The following GRB2 variants were observed in gnomAD, a reference collection of about 807,000 sequenced individuals.
GRB2 encodes the protein growth factor receptor-bound protein 2.
In GRB2, 2 loss-of-function variants were observed where a neutral mutation model predicts 27.4. The ratio of observed to expected loss-of-function variants is 0.07; its 90% CI spans 0.03 to 0.23. GRB2 has a LOEUF of 0.23. Ranked by LOEUF, GRB2 falls within the 10% of genes least tolerant of loss-of-function variation. The pLI is 1.00. For synonymous variants in GRB2, 94 were observed against 99.6 expected (o/e 0.94, Z 0.33); for missense variants, 102 against 282.4 (o/e 0.36, Z 4.58).
chr17:75,401,432 A>G (rs892483583), intron 1 of GRB2, among the ~76,000 whole-genome samples: 1 of 136,230 alleles, frequency 7.3e-6, no homozygotes, highest in African/African-American at 2.7e-5. Flanking sequence ...GGCCTGGGCG[A>G]CAGAGCGAGA....
At chr17:75,332,588 A>G (rs1257225041) in intron 3 of GRB2, 112 bp downstream of exon 3, 3 of 670,866 alleles carry the variant, frequency 4.5e-6, no homozygotes, top group East Asian at 5.5e-5. Context: ...TTAATTCCCT[A>G]GAAACGTGAA....
intron 1 of GRB2, among the ~76,000 whole-genome samples, chr17:75,397,104 A>T (rs1361195936): frequency 6.6e-6 from 1 of 152,224 alleles, no homozygotes; most frequent in Non-Finnish European, 1.5e-5. Context: ...TGAGATGCAG[A>T]GTTTGACAGA....
intron 2 of GRB2, among the ~76,000 whole-genome samples, chr17:75,379,941 C>T (rs1034994740): frequency 6.6e-6 from 1 of 152,100 alleles, no homozygotes; most frequent in Admixed American, 6.6e-5. Flanking sequence ...GTCAAAAGTA[C>T]GTACATAAGA....
chr17:75,389,834 G>A (rs1029738544), intron 2 of GRB2, among the ~76,000 whole-genome samples: 2 of 152,004 alleles, frequency 1.3e-5, no homozygotes, highest in African/African-American at 4.8e-5. Flanking sequence ...GACAGAGCGA[G>A]ACTCCATCTC....
intron 2 of GRB2, among the ~76,000 whole-genome samples, chr17:75,362,903 T>C (rs1370720541): frequency 2.6e-5 from 4 of 152,164 alleles, no homozygotes; most frequent in African/African-American, 2.4e-5. Flanking sequence ...TACTAAAGGC[T>C]TTCCCATTTT....
In GRB2 at chr17:75,359,555, T is replaced by G. The variant is rs867330140; in HGVS notation, c.79-26758A>C. On this transcript the variant is annotated intron_variant, in intron 2 of 5. Transcript: ENST00000316804. ...AATAATAATTTCAGATTGGTGTGAG[T>G]AAGCACAGCACTGAACACAAAGCTC... Among the ~76,000 whole-genome samples the G allele has an allele frequency of 5.9e-5, 9 of 151,762 alleles. 1 individual carries two copies. The highest frequency in any genetic ancestry group is 3.2e-3 in the Middle Eastern group (1 of 316).
At chr17:75,332,373 C>T in intron 3 of GRB2, among the ~76,000 whole-genome samples, 1 of 152,184 alleles carries the variant, frequency 6.6e-6, no homozygotes, top group African/African-American at 2.4e-5. Context: ...CATCTAAGTA[C>T]CTTTTCTAAA....
At chr17:75,361,155 G>C (rs2145847922) in intron 2 of GRB2, among the ~76,000 whole-genome samples, 1 of 152,240 alleles carries the variant, frequency 6.6e-6, no homozygotes, top group Non-Finnish European at 1.5e-5. Flanking sequence ...CCCAGAGATA[G>C]TACTTTTATT....
chr17:75,376,521 A>C (rs1250306085), intron 2 of GRB2, among the ~76,000 whole-genome samples: 1 of 20,968 alleles, frequency 4.8e-5, no homozygotes, highest in Admixed American at 1.2e-3. Context: ...ACTCTGTTTC[A>C]AAAAAAAAAA....
chr17:75,331,235 T>A (rs1008885864), intron 3 of GRB2, among the ~76,000 whole-genome samples: 6 of 152,240 alleles, frequency 3.9e-5, no homozygotes, highest in Non-Finnish European at 8.8e-5. Context: ...AGTTGCCTTT[T>A]CAGAGCTCAG....
intron 2 of GRB2, among the ~76,000 whole-genome samples, chr17:75,350,046 CA>C (rs397934291): frequency 1.3e-3 from 182 of 144,146 alleles, no homozygotes; most frequent in African/African-American, 3.5e-3. Context: ...ATAAAACAAC[CA>C]AAAAAAAAAA....
intron 2 of GRB2, among the ~76,000 whole-genome samples, chr17:75,391,924 C>T (rs2079001475): frequency 6.6e-6 from 1 of 151,902 alleles, no homozygotes; most frequent in African/African-American, 2.4e-5. Flanking sequence ...AAATATGAAC[C>T]ACCAGCCTTC....
chr17:75,382,407 C>T (rs565518582), intron 2 of GRB2, among the ~76,000 whole-genome samples: 27 of 152,284 alleles, frequency 1.8e-4, no homozygotes, highest in Non-Finnish European at 8.8e-5. Context: ...ACTGAATAAG[C>T]GACCAGAGGC....
Position 75,403,075 on chromosome 17 carries a change from C to CA in GRB2, c.-138+2413dup, listed in dbSNP as rs59384819. Among the ~76,000 whole-genome samples the CA allele has an allele frequency of 6.9e-3, 299 of 43,182 alleles. 10 individuals carry two copies. Among genetic ancestry groups the CA allele is most frequent in the African/African-American group, 0.023 (264 of 11,492 alleles). 28.3% of individuals were successfully genotyped at this position (43,182 alleles called of 152,430 possible). A position where few individuals can be genotyped will look rare whatever the true frequency, so the allele number is the denominator to read the frequency against. On this transcript the variant is annotated intron_variant, in intron 1 of 5. Transcript: ENST00000316804. ...GGGCAACAAGAGCGAGAATCTGTCTCAAAAAAAAAAAAAAAGGAAAAAGAA... is the reference window on the plus strand; with the variant it reads ...GGGCAACAAGAGCGAGAATCTGTCTCAAAAAAAAAAAAAAAAGGAAAAAGAA...
At chr17:75,331,800 T>C (rs2078543082) in intron 3 of GRB2, among the ~76,000 whole-genome samples, 1 of 152,200 alleles carries the variant, frequency 6.6e-6, no homozygotes, top group Non-Finnish European at 1.5e-5. Flanking sequence ...TAGCCAACCC[T>C]TGACCTACAG....
chr17:75,344,899 C>T (rs1230225374), intron 2 of GRB2, among the ~76,000 whole-genome samples: 1 of 146,600 alleles, frequency 6.8e-6, no homozygotes, highest in Non-Finnish European at 1.5e-5. Context: ...TTTTGTGATG[C>T]TAACAGGCAA....
intron 2 of GRB2, among the ~76,000 whole-genome samples, chr17:75,360,127 A>C (rs2078769876): frequency 6.6e-6 from 1 of 152,202 alleles, no homozygotes; most frequent in South Asian, 2.1e-4. Context: ...AATATACTTA[A>C]ACAGTCAAAT....
chr17:75,389,253 A>AGTTT (rs1163153608), intron 2 of GRB2, among the ~76,000 whole-genome samples: 3 of 151,684 alleles, frequency 2.0e-5, no homozygotes, highest in African/African-American at 7.3e-5. Flanking sequence ...AACAAGCACA[A>AGTTT]GTTTCGTCTC....
chr17:75,339,611 T>TTTTC (rs963579919), intron 2 of GRB2, among the ~76,000 whole-genome samples: 1 of 136,496 alleles, frequency 7.3e-6, no homozygotes, highest in African/African-American at 2.5e-5. Flanking sequence ...ACATTTTCCT[T>TTTTC]TTTCTTTCTT....
Sources: allele counts gnomAD v4.1 joint callset (sites outside exome capture counted in the v4.1 genomes callset), GRCh38; gene constraint gnomAD v4.1.1; transcripts MANE v1.5; gene names NCBI Gene and HGNC (gene_info 2026-07-23, HGNC 2026-07-21).